Variants in UBE4A observed in about 807,000 individuals in gnomAD.
UBE4A encodes the protein ubiquitination factor E4A, also known as ubiquitin conjugation factor E4 A.
In UBE4A, 48 loss-of-function variants were observed where a neutral mutation model predicts 117.9. That is an observed-to-expected ratio of 0.41 (90% CI 0.32 to 0.52). The LOEUF (loss-of-function observed/expected upper bound fraction) is 0.52, where lower values mean the gene tolerates loss of function less well. Among genes scored for constraint, UBE4A ranks in the 20% least tolerant of loss-of-function variants. UBE4A has a pLI of 0.33. For missense variants in UBE4A, 1,067 were observed against 1,296.3 expected, an observed-to-expected ratio of 0.82 and a Z score of 2.72; for synonymous variants, 407 against 450.0, an observed-to-expected ratio of 0.90 and a Z score of 1.21.
intron 9 of UBE4A, among the ~76,000 whole-genome samples, chr11:118,375,856 TTATAA>T (rs1384082322): frequency 6.6e-6 from 1 of 152,150 alleles, no homozygotes; most frequent in African/African-American, 2.4e-5. Flanking sequence ...TAACTGATAA[TTATAA>T]TATGGTATAG....
chr11:118,368,498 GT>G, intron 2 of UBE4A, 132 bp from the exon 3 acceptor site: 1 of 1,032,588 alleles, frequency 9.7e-7, no homozygotes, highest in Non-Finnish European at 1.4e-6. Flanking sequence ...GACTTGAGAT[GT>G]TCACTAATTA....
chr11:118,361,209 G>A (rs1018658007), intron 1 of UBE4A, among the ~76,000 whole-genome samples: 1 of 151,850 alleles, frequency 6.6e-6, no homozygotes, highest in Admixed American at 6.6e-5. Flanking sequence ...TAGTGGAGAC[G>A]GGGTTTCACC....
chr11:118,389,480 T>A (rs1206576515), intron 16 of UBE4A, among the ~76,000 whole-genome samples: 1 of 152,226 alleles, frequency 6.6e-6, no homozygotes, highest in Non-Finnish European at 1.5e-5. Context: ...ATTAGCAAGA[T>A]GTTAACAGTG....
intron 12 of UBE4A, 32 bp downstream of exon 12, chr11:118,381,555 T>C: frequency 1.2e-6 from 2 of 1,606,728 alleles, no homozygotes; most frequent in Non-Finnish European, 1.7e-6. Flanking sequence ...TCTGTCACTG[T>C]TTAGGCTGTA....
intron 10 of UBE4A, among the ~76,000 whole-genome samples, chr11:118,377,492 G>C (rs1948663220): frequency 6.6e-6 from 1 of 152,068 alleles, no homozygotes; most frequent in African/African-American, 2.4e-5. Flanking sequence ...ACAGGCATGA[G>C]CCACTGTGCC....
At chr11:118,377,302 G>A (rs868923376) in intron 10 of UBE4A, among the ~76,000 whole-genome samples, 14 of 152,098 alleles carry the variant, frequency 9.2e-5, no homozygotes, top group African/African-American at 3.1e-4. Context: ...CCGCCTCCTG[G>A]GTTCAAGCAA....
At chr11:118,382,911 G>T in intron 13 of UBE4A, 135 bp downstream of exon 13, 14 of 696,826 alleles carry the variant, frequency 2.0e-5, no homozygotes, top group African/African-American at 3.8e-5. Context: ...CAGGCTTGAT[G>T]ATAAGTGCTT....
intron 4 of UBE4A, 30 bp downstream of exon 4, chr11:118,369,565 C>T (rs368889708): frequency 6.4e-7 from 1 of 1,571,128 alleles, no homozygotes. Flanking sequence ...AATGTGTGCC[C>T]TTAGCAAAAA....
At chr11:118,377,760 A>C (rs1381169790) in intron 10 of UBE4A, among the ~76,000 whole-genome samples, 1 of 151,412 alleles carries the variant, frequency 6.6e-6, no homozygotes, top group Non-Finnish European at 1.5e-5. Flanking sequence ...AAAATATACA[A>C]AAATTAGCTG....
At chr11:118,388,648 C>CAAAAA (rs59525448) in intron 16 of UBE4A, among the ~76,000 whole-genome samples, 2 of 115,246 alleles carry the variant, frequency 1.7e-5, no homozygotes. Context: ...GACTCTATCT[C>CAAAAA]AAAAAAAAAA....
intron 2 of UBE4A, among the ~76,000 whole-genome samples, chr11:118,366,761 A>G (rs1160575949): frequency 1.3e-5 from 2 of 152,240 alleles, no homozygotes; most frequent in Non-Finnish European, 2.9e-5. Flanking sequence ...CACTACTTTT[A>G]TGTAGTCATT....
rs1239380613 is a variant in UBE4A at position 118,397,819 on chromosome 11, T to C, written c.*1379T>C. The C allele has an allele frequency of 2.6e-5, 4 of 152,224 alleles. No individual in the cohort carries two copies. The highest frequency in any genetic ancestry group is 9.6e-5 in the African/African-American group (4 of 41,460). The allele number at this position is 152,224 out of a possible 1,614,324, so 9.4% of individuals were successfully genotyped here. A position where few individuals can be genotyped will look rare whatever the true frequency, so the allele number is the denominator to read the frequency against. Reference sequence around the variant, plus strand: ...AGTAGTTTTATATTTCAACACAAGTTGCTATAAGCAGTCCTTGATGGGTTT... The same window carrying C: ...AGTAGTTTTATATTTCAACACAAGTCGCTATAAGCAGTCCTTGATGGGTTT... On this transcript the variant is annotated 3_prime_UTR_variant, in exon 20 of 20. Transcript: ENST00000252108.
chr11:118,391,940 GA>G lies in UBE4A; in HGVS notation c.2917-787del, dbSNP rs1286966677. 5.3e-3 allele frequency among the ~76,000 whole-genome samples: 762 copies of G among 144,852 alleles called. 4 individuals are homozygous for G. Among genetic ancestry groups the G allele is most frequent in the Non-Finnish European group, 4.2e-3 (275 of 65,476 alleles). ...GGTGTTAATGCAGAATAACTTTTTA[GA>G]AAAAAAAAAAGATGAGTAGTTTTCA... On this transcript the variant is annotated intron_variant, in intron 18 of 19. Transcript: ENST00000252108.
At chr11:118,371,459 T>G in intron 4 of UBE4A, 55 bp from the exon 5 acceptor site, 1 of 1,543,918 alleles carries the variant, frequency 6.5e-7, no homozygotes, top group Non-Finnish European at 8.8e-7. Context: ...TACATCTTAA[T>G]GTTCTCAGAT....
chr11:118,388,877 GA>G (rs1406142022), intron 16 of UBE4A, among the ~76,000 whole-genome samples: 6 of 152,202 alleles, frequency 3.9e-5, no homozygotes, highest in South Asian at 4.1e-4. Flanking sequence ...GCCAAGGCAG[GA>G]GGATCACTTG....
chr11:118,373,367 A>C (rs1362341148), intron 7 of UBE4A, 79 bp downstream of exon 7: 7 of 1,539,908 alleles, frequency 4.5e-6, no homozygotes, highest in Non-Finnish European at 5.3e-6. Context: ...AGACACTATA[A>C]TACTACCTAT....
intron 3 of UBE4A, 80 bp downstream of exon 3, chr11:118,368,884 A>C: frequency 6.9e-7 from 1 of 1,455,976 alleles, no homozygotes; most frequent in South Asian, 1.2e-5. Flanking sequence ...AACTGGTTAC[A>C]GCTAATGGTT....
intron 5 of UBE4A, 66 bp from the exon 6 acceptor site, chr11:118,372,434 GTATTCAC>G: frequency 6.8e-7 from 1 of 1,466,030 alleles, no homozygotes; most frequent in South Asian, 1.4e-5. Context: ...CTCTTCTATT[GTATTCAC>G]TATGTCTACT....
chr11:118,396,590 T>G lies in UBE4A; in HGVS notation c.*150T>G. The G allele has an allele frequency of 1.1e-6, 1 of 920,524 alleles. No homozygotes were observed. The allele number at this position is 920,524 out of a possible 1,614,324, so 57.0% of individuals were successfully genotyped here. A position where few individuals can be genotyped will look rare whatever the true frequency, so the allele number is the denominator to read the frequency against. On this transcript the variant is annotated 3_prime_UTR_variant, in exon 20 of 20. Transcript: ENST00000252108. ...TACTAAATTAGAGAACTGCTCTTGCTGAAATTATGATAGTTAAGATTCCTA... is the reference window on the plus strand; with the variant it reads ...TACTAAATTAGAGAACTGCTCTTGCGGAAATTATGATAGTTAAGATTCCTA...
Sources: gnomAD v4.1 joint callset for allele counts (sites outside exome capture counted in the v4.1 genomes callset) on GRCh38, gnomAD v4.1.1 for gene constraint, MANE v1.5 for transcripts, NCBI Gene and HGNC (gene_info 2026-07-23, HGNC 2026-07-21) for gene names.